The following HAPLN1 variants were observed in gnomAD, a reference collection of about 807,000 sequenced individuals.
HAPLN1 encodes the protein Cartilage link protein.
In HAPLN1, 13 loss-of-function variants were observed where a neutral mutation model predicts 36.5. The ratio of observed to expected loss-of-function variants is 0.36; its 90% CI spans 0.23 to 0.57. The LOEUF (loss-of-function observed/expected upper bound fraction) is 0.57, where lower values mean the gene tolerates loss of function less well. Ranked by LOEUF, HAPLN1 falls within the 20% of genes least tolerant of loss-of-function variation. HAPLN1 has a pLI of 0.83. For missense variants in HAPLN1, 407 were observed against 439.7 expected (o/e 0.93, Z 0.66); for synonymous variants, 202 against 169.8 (o/e 1.19, Z -1.48).
intron 2 of HAPLN1, among the ~76,000 whole-genome samples, chr5:83,654,010 T>C (rs1378360766): frequency 6.9e-6 from 1 of 145,970 alleles, no homozygotes; most frequent in East Asian, 1.9e-4. Flanking sequence ...AGATAGGTGT[T>C]GAATAATCCT....
Position 83,676,205 on chromosome 5 carries a change from C to T in HAPLN1, c.-26-2656G>A, listed in dbSNP as rs112764973. Among the ~76,000 whole-genome samples, 10 of 82,342 alleles carry T rather than the reference C, an allele frequency of 1.2e-4. No homozygotes were observed. The South Asian group carries it at 1.6e-3, about 13-fold the overall frequency. The allele number at this position is 82,342 out of a possible 152,430, so 54.0% of individuals were successfully genotyped here. The stretch of plus-strand genomic sequence containing the variant: ...AGATACGCACACATATACAGAGATA[C>T]GCACACATACACAGAGATACGCACA... On this transcript the variant is annotated intron_variant, in intron 1 of 4. Coordinates refer to ENST00000274341, the MANE Select transcript of HAPLN1 (RefSeq NM_001884.4).
chr5:83,664,290 G>A (rs1212730861), intron 2 of HAPLN1, among the ~76,000 whole-genome samples: 1 of 152,124 alleles, frequency 6.6e-6, no homozygotes, highest in Non-Finnish European at 1.5e-5. Context: ...TCCTTGCTTA[G>A]AGGGCACCTC....
intron 4 of HAPLN1, among the ~76,000 whole-genome samples, chr5:83,642,834 C>G (rs1561297878): frequency 6.6e-6 from 1 of 152,166 alleles, no homozygotes; most frequent in Admixed American, 6.5e-5. Context: ...GTTCAGCAAA[C>G]TATAGCTCAT....
chr5:83,652,224 T>C, intron 3 of HAPLN1: 1 of 444,610 alleles, frequency 2.2e-6, no homozygotes, highest in Non-Finnish European at 4.0e-6. Context: ...ACTGCACGTT[T>C]CTCCTAGTTA....
In HAPLN1 at chr5:83,665,521, T is replaced by A. The variant is rs538508132; in HGVS notation, c.100+7903A>T. 4.6e-5 allele frequency among the ~76,000 whole-genome samples: 7 copies of A among 152,300 alleles called. No individual in the cohort carries two copies. The East Asian group carries it at 1.3e-3, about 29-fold the overall frequency. On this transcript the variant is annotated intron_variant, in intron 2 of 4. Transcript: ENST00000274341. ...GAAATCTCCTCCCTTCAAGGGTATG[T>A]TTTCAAAGGCGTTTTTATTTTAAAC...
chr5:83,717,851 A>G (rs1471606701), intron 1 of HAPLN1, among the ~76,000 whole-genome samples: 1 of 152,206 alleles, frequency 6.6e-6, no homozygotes, highest in Non-Finnish European at 1.5e-5. Flanking sequence ...GCAATATTTT[A>G]TAAAATAGAC....
intron 4 of HAPLN1, among the ~76,000 whole-genome samples, chr5:83,642,798 G>A (rs1289965265): frequency 6.6e-6 from 1 of 151,932 alleles, no homozygotes; most frequent in East Asian, 1.9e-4. Flanking sequence ...ATTAACTAGA[G>A]GTTAAGTACA....
chr5:83,672,308 T>G (rs1428777897), intron 2 of HAPLN1, among the ~76,000 whole-genome samples: 12 of 152,194 alleles, frequency 7.9e-5, no homozygotes, highest in African/African-American at 2.4e-4. Context: ...AAATATCATA[T>G]GGTCTTTGGG....
At chr5:83,657,757 T>C (rs538990168) in intron 2 of HAPLN1, among the ~76,000 whole-genome samples, 2 of 151,704 alleles carry the variant, frequency 1.3e-5, no homozygotes, top group Non-Finnish European at 2.9e-5. Flanking sequence ...CACTGGTGTA[T>C]GGATGAACTA....
chr5:83,704,523 C>A (rs758866219), intron 1 of HAPLN1, among the ~76,000 whole-genome samples: 3 of 152,178 alleles, frequency 2.0e-5, no homozygotes, highest in East Asian at 1.9e-4. Context: ...TCACACATAA[C>A]AACACCCATA....
rs765706989 is a variant in HAPLN1 at position 83,652,566 on chromosome 5, C to T, written c.359G>A (p.Ser120Asn). Residue 120 changes from serine to asparagine, a missense_variant, in exon 3 of 5, where the codon AGT becomes AAT. Transcript: ENST00000274341. ...GRVFLKGGSD[S>N]DASLVITDLT... ...GTCTGTGATGACCAGAGAAGCATCA[C>T]TATCACTGCCTCCCTTCAGAAACAC... 4.3e-6 allele frequency: 7 copies of T among 1,614,212 alleles called. No homozygotes were observed. The highest frequency in any genetic ancestry group is 5.9e-6 in the Non-Finnish European group (7 of 1,180,028).
rs1287665458 is a variant in HAPLN1 at position 83,678,356 on chromosome 5, ACT to A, written c.-26-4809_-26-4808del. Reference sequence around the variant, plus strand: ...TGGGTATTTTCCTTTTATTTTACAAACTCTTTATATTGTTGCTACATTTATAA... The same window carrying A: ...TGGGTATTTTCCTTTTATTTTACAAACTTTATATTGTTGCTACATTTATAA... On this transcript the variant is annotated intron_variant, in intron 1 of 4. Coordinates refer to ENST00000274341, the MANE Select transcript of HAPLN1 (RefSeq NM_001884.4). 2.0e-5 allele frequency among the ~76,000 whole-genome samples: 3 copies of A among 152,112 alleles called. No homozygotes were observed. The East Asian group carries it at 5.8e-4, about 29-fold the overall frequency.
chr5:83,679,525 C>T (rs577152318), intron 1 of HAPLN1, among the ~76,000 whole-genome samples: 62 of 152,260 alleles, frequency 4.1e-4, no homozygotes, highest in Non-Finnish European at 7.6e-4. Flanking sequence ...CCAAATCTTT[C>T]TGACCCGCTC....
intron 2 of HAPLN1, among the ~76,000 whole-genome samples, chr5:83,663,161 C>T (rs1006419733): frequency 1.3e-5 from 2 of 152,172 alleles, no homozygotes; most frequent in East Asian, 3.9e-4. Context: ...CCGTTCTAAA[C>T]AGTCAGCAGA....
intron 1 of HAPLN1, among the ~76,000 whole-genome samples, chr5:83,681,102 A>G (rs1750988066): frequency 6.6e-6 from 1 of 152,210 alleles, no homozygotes; most frequent in South Asian, 2.1e-4. Flanking sequence ...TCAATAACAA[A>G]GCATTGTATT....
chr5:83,670,689 TTGTG>T (rs10572732), intron 2 of HAPLN1, among the ~76,000 whole-genome samples: 16 of 148,830 alleles, frequency 1.1e-4, no homozygotes, highest in Admixed American at 2.0e-4. Flanking sequence ...TACCTTTGTT[TTGTG>T]TGTGTGTGTG....
chr5:83,695,167 C>A (rs1751364263), intron 1 of HAPLN1, among the ~76,000 whole-genome samples: 1 of 152,082 alleles, frequency 6.6e-6, no homozygotes, highest in Non-Finnish European at 1.5e-5. Flanking sequence ...CTCTTGTCAC[C>A]CAGGCTGGGG....
intron 1 of HAPLN1, among the ~76,000 whole-genome samples, chr5:83,712,762 AT>A (rs1276336049): frequency 5.9e-5 from 9 of 151,624 alleles, no homozygotes; most frequent in South Asian, 2.1e-4. Context: ...AAAAACAAGA[AT>A]TTTTTTTGGT....
chr5:83,701,929 C>A (rs756804254), intron 1 of HAPLN1, among the ~76,000 whole-genome samples: 27 of 58,872 alleles, frequency 4.6e-4, no homozygotes, highest in East Asian at 8.6e-4. Context: ...TCGACAAAAA[C>A]ACACACACAC....
Sources: gnomAD v4.1 joint callset for allele counts (sites outside exome capture counted in the v4.1 genomes callset) on GRCh38, gnomAD v4.1.1 for gene constraint, MANE v1.5 for transcripts, NCBI Gene and HGNC (gene_info 2026-07-23, HGNC 2026-07-21) for gene names.